The following UGT1A8 variants were observed in gnomAD, a reference collection of about 807,000 sequenced individuals.
UGT1A8 encodes UDP-glucuronosyltransferase 1A8.
Under a neutral mutation model 45.3 loss-of-function variants are expected in UGT1A8, and 39 were observed. The observed-to-expected ratio is 0.86, with a 90% CI of 0.67 to 1.12. UGT1A8 has a LOEUF of 1.12. UGT1A8 is among the 50% of genes most tolerant of loss of function. The pLI, the probability that UGT1A8 is intolerant of heterozygous loss-of-function variation, is 0.00. For synonymous variants in UGT1A8, 275 were observed against 249.2 expected, an observed-to-expected ratio of 1.10 and a Z score of -0.97; for missense variants, 719 against 664.9, an observed-to-expected ratio of 1.08 and a Z score of -0.90.
Position 233,618,041 on chromosome 2 carries a change from TC to T in UGT1A8, c.335del (p.Ser112TyrfsTer22). On this transcript the variant is annotated frameshift_variant, in exon 1 of 5. Transcript: ENST00000373450. LOFTEE classifies it high-confidence loss of function. ...VRSLFSLFLS[S>X]SNGFFNLFFS... ...AAGTTTGTTTTCTCTATTTCTGAGT[TC>T]ATCCAATGGTTTTTTTAACTTATTT... The T allele has an allele frequency of 6.2e-7, 1 of 1,614,224 alleles. No individual in the cohort carries two copies. Among genetic ancestry groups the T allele is most frequent in the Non-Finnish European group, 8.5e-7 (1 of 1,180,034 alleles).
Position 233,772,653 on chromosome 2 carries a change from T to C in UGT1A8, c.*94T>C. The C allele has an allele frequency of 1.3e-6, 2 of 1,546,978 alleles. No individual in the cohort carries two copies. The highest frequency in any genetic ancestry group is 1.7e-6 in the Non-Finnish European group (2 of 1,146,404). On this transcript the variant is annotated 3_prime_UTR_variant, in exon 5 of 5. Transcript: ENST00000373450. ...CAGTGTTAAATTCATTTTATTCTTA[T>C]TAAGGAAATACTTTGCATAAATTAA...
chr2:233,688,620 G>A (rs2074905947), intron 1 of UGT1A8, among the ~76,000 whole-genome samples: 1 of 152,148 alleles, frequency 6.6e-6, no homozygotes, highest in South Asian at 2.1e-4. Flanking sequence ...CAGCAAACAT[G>A]AGTTCGTCTT....
At chr2:233,744,574 T>G (rs1165688532) in intron 1 of UGT1A8, among the ~76,000 whole-genome samples, 1 of 151,936 alleles carries the variant, frequency 6.6e-6, no homozygotes, top group Non-Finnish European at 1.5e-5. Context: ...AAGAGTGGCA[T>G]CGTTTTACAG....
intron 1 of UGT1A8, among the ~76,000 whole-genome samples, chr2:233,644,546 G>A (rs2073549255): frequency 6.6e-6 from 1 of 152,084 alleles, no homozygotes; most frequent in Non-Finnish European, 1.5e-5. Flanking sequence ...AGATGACAGA[G>A]TGAGACTCCA....
At chr2:233,627,491 G>A (rs1025262963) in intron 1 of UGT1A8, among the ~76,000 whole-genome samples, 14 of 151,822 alleles carry the variant, frequency 9.2e-5, no homozygotes, top group African/African-American at 3.4e-4. Context: ...CTTTCTTATA[G>A]CAATGCTACA....
chr2:233,642,870 G>GTCTCTCTCTCTCTCTCACTCTC (rs2073489232), intron 1 of UGT1A8, among the ~76,000 whole-genome samples: 1 of 151,140 alleles, frequency 6.6e-6, no homozygotes, highest in Non-Finnish European at 1.5e-5. Flanking sequence ...AAAATACAGA[G>GTCTCTCTCTCTCTCTCACTCTC]TCTCTCTCTC....
Position 233,768,226 on chromosome 2 carries a change from C to A in UGT1A8, c.1082C>A (p.Pro361Gln). The A allele has an allele frequency of 6.2e-7, 1 of 1,614,202 alleles. No homozygotes were observed. The highest frequency in any genetic ancestry group is 8.5e-7 in the Non-Finnish European group (1 of 1,180,042). ...TCCCTATTTTGCATCTCAGGTCACC[C>A]GATGACCCGTGCCTTTATCACCCAT... ...WLPQNDLLGH[P>Q]MTRAFITHAG... Residue 361 changes from proline to glutamine, a missense_variant, in exon 4 of 5, where the codon CCG becomes CAG. Coordinates refer to ENST00000373450, the MANE Select transcript of UGT1A8 (RefSeq NM_019076.5).
intron 1 of UGT1A8, chr2:233,693,888 G>A (rs745978624): frequency 6.2e-7 from 1 of 1,613,982 alleles, no homozygotes; most frequent in South Asian, 1.1e-5. Flanking sequence ...ATTTCTTTTG[G>A]ACTGCCTTGT....
At chr2:233,624,346 C>T (rs1393786074) in intron 1 of UGT1A8, among the ~76,000 whole-genome samples, 4 of 152,214 alleles carry the variant, frequency 2.6e-5, no homozygotes, top group Non-Finnish European at 4.4e-5. Flanking sequence ...TAGAATGTTC[C>T]TCTAGAATGT....
Position 233,772,755 on chromosome 2 carries a change from G to A in UGT1A8, c.*196G>A, listed in dbSNP as rs997044425. On this transcript the variant is annotated 3_prime_UTR_variant, in exon 5 of 5. Transcript: ENST00000373450. Reference sequence around the variant, plus strand: ...CTAGTCAGTAAAGATATTTGAATATGTATCGTGCCCCCTCTGGTGTCTTTG... The same window carrying A: ...CTAGTCAGTAAAGATATTTGAATATATATCGTGCCCCCTCTGGTGTCTTTG... 9 of 1,407,806 alleles carry A rather than the reference G, an allele frequency of 6.4e-6. No homozygotes were observed. The African/African-American group carries it at 1.3e-4, about 20-fold the overall frequency. The allele number at this position is 1,407,806 out of a possible 1,614,324, so 87.2% of individuals were successfully genotyped here.
At position 233,617,789 on chromosome 2, in the gene UGT1A8, C is replaced by G; in HGVS notation, c.82C>G (p.Leu28Val). ...CTGTGGCTTTGCTGAGGCAGGGAAG[C>G]TGCTGGTAGTGCCCATGGATGGGAG... ...LTCGFAEAGK[L>V]LVVPMDGSHW... is the part of the protein sequence containing the mutation. The change falls in exon 1 of 5, where the codon CTG (leucine) becomes GTG (valine). Residue 28 changes from leucine (L) to valine (V), a missense_variant. Leu to Val is a conservative substitution (Grantham distance 32). Transcript: ENST00000373450. 6.2e-7 allele frequency: 1 copy of G among 1,614,104 alleles called. No homozygotes were observed. Among genetic ancestry groups the G allele is most frequent in the Admixed American group, 1.7e-5 (1 of 60,004 alleles).
chr2:233,697,897 T>A (rs1318608341), intron 1 of UGT1A8, among the ~76,000 whole-genome samples: 2 of 152,250 alleles, frequency 1.3e-5, no homozygotes, highest in East Asian at 3.8e-4. Context: ...TTGAATCAAA[T>A]CTATTGACTC....
intron 1 of UGT1A8, among the ~76,000 whole-genome samples, chr2:233,657,903 A>T (rs1235159957): frequency 1.3e-5 from 2 of 152,044 alleles, no homozygotes; most frequent in Non-Finnish European, 2.9e-5. Context: ...TTTATACTTT[A>T]TCAGTTTCTG....
chr2:233,744,136 G>A, intron 1 of UGT1A8: 1 of 352,326 alleles, frequency 2.8e-6, no homozygotes, highest in Non-Finnish European at 5.4e-6. Flanking sequence ...GTGAGGCCCT[G>A]TGATGCTCCA....
At chr2:233,651,877 C>T (rs1973042) in intron 1 of UGT1A8, among the ~76,000 whole-genome samples, 1 of 152,060 alleles carries the variant, frequency 6.6e-6, no homozygotes, top group Non-Finnish European at 1.5e-5. Flanking sequence ...CTGAAGGTCT[C>T]CAGTAGCAAA....
intron 1 of UGT1A8, among the ~76,000 whole-genome samples, chr2:233,670,039 T>TAG (rs1192419528): frequency 2.0e-5 from 3 of 152,162 alleles, no homozygotes; most frequent in Non-Finnish European, 4.4e-5. Context: ...TACTGTGCAC[T>TAG]AGAAGCCTTA....
In UGT1A8 at chr2:233,671,313, G is replaced by A. The variant is rs45473696; in HGVS notation, c.855+52751G>A. On this transcript the variant is annotated intron_variant, in intron 1 of 4. Coordinates refer to ENST00000373450, the MANE Select transcript of UGT1A8 (RefSeq NM_019076.5). ...ATAGGAGACGGTTACTTTCCATCAA[G>A]TCCCTGGTATGGTCCATGGAAGCAG... Among the ~76,000 whole-genome samples, 42 of 152,196 alleles carry A rather than the reference G, an allele frequency of 2.8e-4. 1 individual carries two copies. Among genetic ancestry groups the A allele is most frequent in the South Asian group, 4.1e-4 (2 of 4,826 alleles).
At chr2:233,686,183 G>A (rs1241973137) in intron 1 of UGT1A8, among the ~76,000 whole-genome samples, 1 of 151,422 alleles carries the variant, frequency 6.6e-6, no homozygotes, top group East Asian at 1.9e-4. Context: ...ATCTAAAACT[G>A]TAAAACTCTT....
At chr2:233,643,536 C>T (rs1049846542) in intron 1 of UGT1A8, among the ~76,000 whole-genome samples, 4 of 152,084 alleles carry the variant, frequency 2.6e-5, no homozygotes, top group Non-Finnish European at 2.9e-5. Flanking sequence ...TCTTGATGCT[C>T]TATCCCCCTG....
Sources: gnomAD v4.1 joint callset for allele counts (sites outside exome capture counted in the v4.1 genomes callset) on GRCh38, gnomAD v4.1.1 for gene constraint, MANE v1.5 for transcripts, NCBI Gene and HGNC (gene_info 2026-07-23, HGNC 2026-07-21) for gene names.